LYRM4: variants seen among roughly 807,000 people sequenced by gnomAD.
LYRM4 encodes LYR motif-containing protein 4.
In LYRM4, 9 loss-of-function variants were observed where a neutral mutation model predicts 11.7. The ratio of observed to expected loss-of-function variants is 0.77; its 90% confidence interval spans 0.46 to 1.34. The LOEUF (loss-of-function observed/expected upper bound fraction) is 1.34. Among genes scored for constraint, LYRM4 ranks in the 40% most tolerant of loss-of-function variants. The pLI is 0.00. For missense variants in LYRM4, 133 were observed against 112.5 expected (o/e 1.18, Z -0.82); for synonymous variants, 42 against 40.4 (o/e 1.04, Z -0.15).
At chr6:5,038,375 G>C in the LYRM4 span, among the ~76,000 whole-genome samples, 1 of 64,398 alleles carries the variant, frequency 1.6e-5, no homozygotes, top group Non-Finnish European at 3.7e-5. Flanking sequence ...GATGGCGGCC[G>C]GGCAGAGACG....
chr6:5,260,757 G>A lies in LYRM4; in HGVS notation c.-24C>T, dbSNP rs1251470886. 1.9e-6 allele frequency: 3 copies of A among 1,540,668 alleles called. No individual in the cohort carries two copies. The highest frequency in any genetic ancestry group is 2.6e-6 in the Non-Finnish European group (3 of 1,146,648). ...ATTTTGGAAAGAAAAAAAAATAAAC[G>A]GGTCCTCTTCGCCGAGGTCCCAAGT... On this transcript the variant is annotated 5_prime_UTR_variant, in exon 1 of 3. Coordinates refer to ENST00000330636, the MANE Select transcript of LYRM4 (RefSeq NM_020408.6).
chr6:5,070,403 CAG>C, the LYRM4 span, among the ~76,000 whole-genome samples: 1 of 152,098 alleles, frequency 6.6e-6, no homozygotes, highest in Non-Finnish European at 1.5e-5. Context: ...TGTTTACTAA[CAG>C]TATTATTGCT....
chr6:5,081,885 C>T, the LYRM4 span, among the ~76,000 whole-genome samples: 8 of 152,104 alleles, frequency 5.3e-5, no homozygotes, highest in Non-Finnish European at 1.2e-4. Context: ...TTTAACTCCA[C>T]CCACTGACCT....
the LYRM4 span, among the ~76,000 whole-genome samples, chr6:5,075,236 G>A: frequency 5.8e-4 from 88 of 152,186 alleles, no homozygotes; most frequent in African/African-American, 2.0e-3. Flanking sequence ...AGCAATGGAA[G>A]AATAGCCTAA....
chr6:5,222,702 T>C (rs1382116401), intron 1 of LYRM4, among the ~76,000 whole-genome samples: 1 of 139,672 alleles, frequency 7.2e-6, no homozygotes, highest in African/African-American at 2.7e-5. Flanking sequence ...ACTATTAAAG[T>C]AAATTAAAAA....
At chr6:5,136,525 A>C (rs1336361865) in intron 2 of LYRM4, 2 of 951,964 alleles carry the variant, frequency 2.1e-6, no homozygotes, top group Non-Finnish European at 2.5e-6. Context: ...TACCTACAGA[A>C]TGGGATAATG....
chr6:5,164,098 A>G (rs1481016693), intron 2 of LYRM4, among the ~76,000 whole-genome samples: 1 of 152,262 alleles, frequency 6.6e-6, no homozygotes, highest in Non-Finnish European at 1.5e-5. Context: ...ACCAAGTATT[A>G]GAAAGGATGT....
the LYRM4 span, among the ~76,000 whole-genome samples, chr6:5,089,856 A>G: frequency 2.0e-5 from 3 of 152,362 alleles, no homozygotes; most frequent in South Asian, 4.1e-4. Flanking sequence ...TTGTTTTATA[A>G]AAGTGCCAAC....
chr6:5,049,935 T>A, the LYRM4 span, among the ~76,000 whole-genome samples: 1 of 152,246 alleles, frequency 6.6e-6, no homozygotes, highest in Admixed American at 6.5e-5. Flanking sequence ...CTTGAAGTGC[T>A]GGGATTACAG....
At chr6:5,060,032 G>A in the LYRM4 span, among the ~76,000 whole-genome samples, 6 of 152,098 alleles carry the variant, frequency 3.9e-5, no homozygotes, top group Admixed American at 3.9e-4. Flanking sequence ...TTTTCCTTTG[G>A]CCCCTCCAAC....
the LYRM4 span, among the ~76,000 whole-genome samples, chr6:5,035,872 G>C: frequency 7.2e-6 from 1 of 139,000 alleles, no homozygotes; most frequent in Non-Finnish European, 1.5e-5. Flanking sequence ...AATACTTCAA[G>C]ATATTTCTTA....
intron 2 of LYRM4, among the ~76,000 whole-genome samples, chr6:5,172,307 C>T (rs530202295): frequency 9.1e-4 from 138 of 152,202 alleles, no homozygotes; most frequent in African/African-American, 2.9e-3. Flanking sequence ...ATCACCTGAG[C>T]GGCAACAATT....
intron 2 of LYRM4, among the ~76,000 whole-genome samples, chr6:5,137,877 TA>T (rs1757181899): frequency 6.6e-6 from 1 of 152,152 alleles, no homozygotes; most frequent in Non-Finnish European, 1.5e-5. Context: ...CATGTGAATG[TA>T]TTTTTGAGGG....
chr6:5,247,227 C>G (rs957375102), intron 1 of LYRM4, among the ~76,000 whole-genome samples: 2 of 152,066 alleles, frequency 1.3e-5, no homozygotes, highest in Non-Finnish European at 2.9e-5. Flanking sequence ...TGTTAATGTC[C>G]CCCCAAGTCC....
chr6:5,256,156 AGG>A (rs1764655375), intron 1 of LYRM4, among the ~76,000 whole-genome samples: 3 of 152,208 alleles, frequency 2.0e-5, no homozygotes, highest in Admixed American at 2.0e-4. Flanking sequence ...TCAGAATTGA[AGG>A]AGTTGGCTGA....
intron 2 of LYRM4, among the ~76,000 whole-genome samples, chr6:5,214,255 G>A (rs964076160): frequency 6.6e-6 from 1 of 152,208 alleles, no homozygotes. Context: ...TCCCAGGGGG[G>A]CCCCTATGGG....
chr6:5,229,307 T>C (rs893159006), intron 1 of LYRM4, among the ~76,000 whole-genome samples: 6 of 152,076 alleles, frequency 3.9e-5, no homozygotes, highest in Non-Finnish European at 7.4e-5. Flanking sequence ...GCCAAGCAAA[T>C]GAAAAAGGCT....
At chr6:5,049,119 G>T in the LYRM4 span, among the ~76,000 whole-genome samples, 1,502 of 152,198 alleles carry the variant, frequency 9.9e-3, 25 homozygotes, top group African/African-American at 0.035. Flanking sequence ...AGGTAGTAAA[G>T]GTCTCATGGG....
At chr6:5,049,643 C>T in the LYRM4 span, among the ~76,000 whole-genome samples, 1 of 152,026 alleles carries the variant, frequency 6.6e-6, no homozygotes, top group Non-Finnish European at 1.5e-5. Flanking sequence ...AAATTGAATT[C>T]CTTCTCCTGG....
Sources: gnomAD v4.1 joint callset for allele counts (sites outside exome capture counted in the v4.1 genomes callset) on GRCh38, gnomAD v4.1.1 for gene constraint, MANE v1.5 for transcripts, NCBI Gene and HGNC (gene_info 2026-07-23, HGNC 2026-07-21) for gene names.